Variants in STXBP5L observed in about 807,000 individuals in gnomAD.
The protein encoded by STXBP5L is syntaxin-binding protein 5-like.
In STXBP5L, 65 loss-of-function variants were observed where a neutral mutation model predicts 144.5. That is an observed-to-expected ratio of 0.45 (90% CI 0.37 to 0.55). The LOEUF (loss-of-function observed/expected upper bound fraction) is 0.55, where lower values mean the gene tolerates loss of function less well. Ranked by LOEUF, STXBP5L falls within the 20% of genes least tolerant of loss-of-function variation. The pLI, the probability that STXBP5L is intolerant of heterozygous loss-of-function variation, is 0.00. For missense variants in STXBP5L, 1,298 were observed against 1,405.5 expected (o/e 0.92, Z 1.22); for synonymous variants, 505 against 469.6 (o/e 1.08, Z -0.97).
intron 5 of STXBP5L, among the ~76,000 whole-genome samples, chr3:121,072,761 C>T (rs2041859682): frequency 6.6e-6 from 1 of 152,198 alleles, no homozygotes; most frequent in African/African-American, 2.4e-5. Flanking sequence ...GTTTGTTGTT[C>T]TTTGCAATGG....
intron 2 of STXBP5L, among the ~76,000 whole-genome samples, chr3:120,926,750 C>T (rs112674946): frequency 4.9e-4 from 75 of 152,020 alleles, no homozygotes; most frequent in African/African-American, 1.6e-3. Context: ...TTCTCCTCTG[C>T]GTATTTTCAA....
intron 3 of STXBP5L, among the ~76,000 whole-genome samples, chr3:121,007,556 T>C (rs1944431660): frequency 6.6e-6 from 1 of 152,066 alleles, no homozygotes; most frequent in Non-Finnish European, 1.5e-5. Flanking sequence ...TAAAATTCTT[T>C]AATAGATATA....
intron 9 of STXBP5L, among the ~76,000 whole-genome samples, chr3:121,173,299 G>T (rs540846635): frequency 2.0e-4 from 29 of 147,058 alleles, no homozygotes; most frequent in African/African-American, 7.3e-4. Context: ...TGCACGCTTT[G>T]TGCATTTATC....
At chr3:121,286,080 T>C (rs1305966676) in intron 19 of STXBP5L, among the ~76,000 whole-genome samples, 2 of 152,088 alleles carry the variant, frequency 1.3e-5, no homozygotes, top group African/African-American at 4.8e-5. Context: ...TCAAGGGAAG[T>C]TTGAAAAGTA....
chr3:121,085,483 G>C (rs562566545), intron 5 of STXBP5L, among the ~76,000 whole-genome samples: 1 of 152,054 alleles, frequency 6.6e-6, no homozygotes, highest in Non-Finnish European at 1.5e-5. Context: ...CTCAGGAGAA[G>C]GTTACAAAAT....
chr3:121,150,854 A>G (rs984842386), intron 7 of STXBP5L, among the ~76,000 whole-genome samples: 2 of 151,986 alleles, frequency 1.3e-5, no homozygotes, highest in African/African-American at 2.4e-5. Context: ...TTGGGAGGCC[A>G]AGAGGGGCAG....
At chr3:121,393,432 A>C (rs1037532244) in intron 22 of STXBP5L, among the ~76,000 whole-genome samples, 1 of 152,090 alleles carries the variant, frequency 6.6e-6, no homozygotes, top group Non-Finnish European at 1.5e-5. Context: ...TTTTCAGTTT[A>C]ATTAAGTCCT....
chr3:121,163,135 A>G (rs946006737), intron 9 of STXBP5L, among the ~76,000 whole-genome samples: 4 of 152,236 alleles, frequency 2.6e-5, no homozygotes, highest in Admixed American at 6.5e-5. Flanking sequence ...TGTTTATTGT[A>G]GCACTATTCA....
chr3:121,105,153 T>G (rs958856236), intron 5 of STXBP5L, among the ~76,000 whole-genome samples: 6 of 152,090 alleles, frequency 3.9e-5, no homozygotes. Context: ...ATCACAGCAC[T>G]TTAGGAAGCC....
chr3:121,028,744 C>A (rs1181521491), intron 3 of STXBP5L, among the ~76,000 whole-genome samples: 1 of 152,012 alleles, frequency 6.6e-6, no homozygotes, highest in East Asian at 1.9e-4. Flanking sequence ...GTAATCAGTG[C>A]AGTGGCTATA....
At chr3:121,305,881 T>C (rs947973358) in intron 19 of STXBP5L, among the ~76,000 whole-genome samples, 2 of 152,240 alleles carry the variant, frequency 1.3e-5, no homozygotes, top group East Asian at 3.9e-4. Context: ...ATGGTGTATG[T>C]AGAAAACCCA....
intron 20 of STXBP5L, among the ~76,000 whole-genome samples, chr3:121,325,280 A>G (rs2044108185): frequency 6.6e-6 from 1 of 152,110 alleles, no homozygotes; most frequent in Admixed American, 6.5e-5. Flanking sequence ...TAGCCAAGGA[A>G]GATAGAGATA....
chr3:121,233,374 A>G lies in STXBP5L; in HGVS notation c.1112-242A>G, dbSNP rs1201037493. ...CCAATATTATCATCACTCCATGATT[A>G]TTGAGATATATTTATACTATGCTAC... On this transcript the variant is annotated intron_variant, in intron 11 of 26. Transcript: ENST00000471454. 3.3e-5 allele frequency among the ~76,000 whole-genome samples: 5 copies of G among 152,158 alleles called. No individual in the cohort carries two copies. The East Asian group carries it at 9.6e-4, about 29-fold the overall frequency.
intron 3 of STXBP5L, among the ~76,000 whole-genome samples, chr3:120,962,838 G>C (rs914774437): frequency 2.0e-5 from 3 of 152,110 alleles, no homozygotes; most frequent in Non-Finnish European, 2.9e-5. Flanking sequence ...TGATGGGGAT[G>C]GCATTGAATC....
chr3:121,188,296 C>T (rs1354434067), intron 9 of STXBP5L, among the ~76,000 whole-genome samples: 1 of 152,116 alleles, frequency 6.6e-6, no homozygotes, highest in African/African-American at 2.4e-5. Context: ...GTAAAGCACT[C>T]CTCAGCAAAT....
At position 121,188,593 on chromosome 3, in the gene STXBP5L, C is replaced by A. The variant is rs187371547; in HGVS notation, c.878-17330C>A. On this transcript the variant is annotated intron_variant, in intron 9 of 26. Transcript: ENST00000471454. ...TGGCAAACTGAATCCAGCAGCACAT[C>A]AAAAAGCTTATCCACCATGATCAAG... Among the ~76,000 whole-genome samples, 1,025 of 152,152 alleles carry A rather than the reference C, an allele frequency of 6.7e-3. 6 individuals are homozygous for A. Among genetic ancestry groups the A allele is most frequent in the South Asian group, 0.013 (64 of 4,820 alleles).
At chr3:121,236,532 G>T (rs1054539851) in intron 12 of STXBP5L, among the ~76,000 whole-genome samples, 2 of 152,120 alleles carry the variant, frequency 1.3e-5, no homozygotes, top group African/African-American at 4.8e-5. Flanking sequence ...AGAGGGGACA[G>T]GTTTCAGGCT....
rs142745996 is a variant in STXBP5L, at chr3:121,103,199, A to C, written c.471-11726A>C. ...ACCCAGAAATCCCATTACTGGGTAT[A>C]TATCCATAGAAAAATAAATTGTTCT... On this transcript the variant is annotated intron_variant, in intron 5 of 26. Transcript: ENST00000471454. Among the ~76,000 whole-genome samples the C allele has an allele frequency of 2.5e-3, 375 of 150,128 alleles. 2 individuals are homozygous for C. Among genetic ancestry groups the C allele is most frequent in the African/African-American group, 8.1e-3 (337 of 41,364 alleles).
intron 20 of STXBP5L, among the ~76,000 whole-genome samples, chr3:121,351,253 A>G (rs1282369088): frequency 1.3e-5 from 2 of 152,150 alleles, no homozygotes; most frequent in African/African-American, 4.8e-5. Context: ...GGGTATCAGC[A>G]ACAGAGGCTG....
Sources: gnomAD v4.1 joint callset for allele counts (sites outside exome capture counted in the v4.1 genomes callset) on GRCh38, gnomAD v4.1.1 for gene constraint, MANE v1.5 for transcripts, NCBI Gene and HGNC (gene_info 2026-07-23, HGNC 2026-07-21) for gene names.